The following PDGFC variants were observed in gnomAD, a reference collection of about 807,000 sequenced individuals.
PDGFC encodes platelet derived growth factor C.
Under a neutral mutation model 35.5 loss-of-function variants are expected in PDGFC, and 12 were observed. That is an observed-to-expected ratio of 0.34 (90% CI 0.22 to 0.55). The LOEUF (loss-of-function observed/expected upper bound fraction) is 0.55. Ranked by LOEUF, PDGFC falls within the 20% of genes least tolerant of loss-of-function variation. The pLI, the probability that PDGFC is intolerant of heterozygous loss-of-function variation, is 0.91. For missense variants in PDGFC, 322 were observed against 412.4 expected, an observed-to-expected ratio of 0.78 and a Z score of 1.90; for synonymous variants, 159 against 148.8, an observed-to-expected ratio of 1.07 and a Z score of -0.50.
intron 1 of PDGFC, among the ~76,000 whole-genome samples, chr4:156,891,939 G>C (rs974929707): frequency 5.9e-5 from 9 of 152,156 alleles, no homozygotes; most frequent in African/African-American, 1.9e-4. Flanking sequence ...ACCCAAACTA[G>C]TACTCTTATT....
At chr4:156,858,971 A>G (rs561333096) in intron 1 of PDGFC, among the ~76,000 whole-genome samples, 1 of 152,222 alleles carries the variant, frequency 6.6e-6, no homozygotes, top group East Asian at 1.9e-4. Context: ...AGCATACAAC[A>G]TCTAGATAAA....
At chr4:156,970,678 G>A in intron 1 of PDGFC, 108 bp downstream of exon 1, 1 of 734,198 alleles carries the variant, frequency 1.4e-6, no homozygotes, top group East Asian at 2.5e-5. Context: ...TGTAATGAGA[G>A]ACCAAAGATA....
At chr4:156,913,389 G>A (rs1159574690) in intron 1 of PDGFC, among the ~76,000 whole-genome samples, 3 of 152,070 alleles carry the variant, frequency 2.0e-5, no homozygotes, top group African/African-American at 7.2e-5. Flanking sequence ...CTGAACCTTT[G>A]TACCAGGCCA....
intron 1 of PDGFC, among the ~76,000 whole-genome samples, chr4:156,859,973 A>C (rs1288569032): frequency 6.6e-6 from 1 of 152,150 alleles, no homozygotes; most frequent in Non-Finnish European, 1.5e-5. Context: ...ACAACTAGCA[A>C]AATTCTTCAG....
At chr4:156,817,222 C>T (rs909046418) in intron 2 of PDGFC, among the ~76,000 whole-genome samples, 1 of 151,454 alleles carries the variant, frequency 6.6e-6, no homozygotes, top group East Asian at 1.9e-4. Context: ...CAAATCAAAA[C>T]AAAATATCAG....
intron 1 of PDGFC, among the ~76,000 whole-genome samples, chr4:156,867,191 T>C (rs1221352415): frequency 6.6e-6 from 1 of 152,224 alleles, no homozygotes; most frequent in Admixed American, 6.5e-5. Context: ...ATAAATCATG[T>C]ATGGATCATA....
chr4:156,825,590 TAATAAGAAG>T (rs1463403817), intron 2 of PDGFC, among the ~76,000 whole-genome samples: 943 of 78,192 alleles, frequency 0.012, 5 homozygotes, highest in Admixed American at 0.014. Context: ...ATAATAATAA[TAATAAGAAG>T]AAGAAGAAGA....
At chr4:156,896,639 G>A (rs1730639256) in intron 1 of PDGFC, among the ~76,000 whole-genome samples, 1 of 152,170 alleles carries the variant, frequency 6.6e-6, no homozygotes, top group African/African-American at 2.4e-5. Flanking sequence ...ATTTAGAAAA[G>A]TCATACATAA....
At chr4:156,900,553 G>A (rs186455972) in intron 1 of PDGFC, among the ~76,000 whole-genome samples, 173 of 152,158 alleles carry the variant, frequency 1.1e-3, no homozygotes, top group Admixed American at 2.0e-3. Flanking sequence ...TAAAGAAGAG[G>A]ATAGGAAGCG....
At chr4:156,928,417 A>G (rs537582778) in intron 1 of PDGFC, among the ~76,000 whole-genome samples, 11 of 152,308 alleles carry the variant, frequency 7.2e-5, no homozygotes, top group African/African-American at 2.6e-4. Flanking sequence ...CATTGCACTT[A>G]GATCTGTAAC....
intron 1 of PDGFC, among the ~76,000 whole-genome samples, chr4:156,920,644 AACACACACAC>A (rs10611712): frequency 3.2e-4 from 42 of 132,048 alleles, no homozygotes; most frequent in South Asian, 9.9e-4. Context: ...AGGAAAAGAA[AACACACACAC>A]ACACACACAC....
At chr4:156,903,313 T>C (rs148936680) in intron 1 of PDGFC, among the ~76,000 whole-genome samples, 91 of 152,046 alleles carry the variant, frequency 6.0e-4, no homozygotes, top group African/African-American at 2.0e-3. Flanking sequence ...TAATAAAATA[T>C]ACATGTATAC....
At position 156,971,612 on chromosome 4, in the gene PDGFC, C is replaced by T. The variant is rs889448602; in HGVS notation, c.-709G>A. Among the ~76,000 whole-genome samples the T allele has an allele frequency of 2.0e-5, 3 of 151,662 alleles. No individual in the cohort carries two copies. Among genetic ancestry groups the T allele is most frequent in the Non-Finnish European group, 4.4e-5 (3 of 67,846 alleles). Reference sequence around the variant, plus strand: ...GGTTCGGAGCGCCGCAGCACGGATTCCGGCACCTGGCTTGAGTTTTCCGCG... The same window carrying T: ...GGTTCGGAGCGCCGCAGCACGGATTTCGGCACCTGGCTTGAGTTTTCCGCG... On this transcript the variant is annotated 5_prime_UTR_variant, in exon 1 of 6. Transcript: ENST00000502773.
intron 2 of PDGFC, among the ~76,000 whole-genome samples, chr4:156,832,253 C>CTTTTTTTTT (rs542396769): frequency 3.2e-4 from 39 of 121,126 alleles, no homozygotes; most frequent in South Asian, 5.2e-4. Context: ...TTCTTTCTTT[C>CTTTTTTTTT]TTTTTTTTTT....
intron 2 of PDGFC, among the ~76,000 whole-genome samples, chr4:156,811,709 G>T (rs1259588615): frequency 6.6e-6 from 1 of 152,086 alleles, no homozygotes; most frequent in East Asian, 1.9e-4. Flanking sequence ...CTTAAACAGA[G>T]GAATAAATGA....
intron 1 of PDGFC, among the ~76,000 whole-genome samples, chr4:156,905,416 A>AT (rs976842555): frequency 6.6e-6 from 1 of 151,978 alleles, no homozygotes; most frequent in East Asian, 1.9e-4. Flanking sequence ...ATTTATGTTT[A>AT]TTTTTTTCTC....
At chr4:156,917,763 C>T (rs1045288845) in intron 1 of PDGFC, among the ~76,000 whole-genome samples, 4 of 152,200 alleles carry the variant, frequency 2.6e-5, no homozygotes, top group Middle Eastern at 3.2e-3. Flanking sequence ...CCGAATAATT[C>T]GCTAATATGC....
At chr4:156,787,678 G>C (rs992480408) in intron 3 of PDGFC, among the ~76,000 whole-genome samples, 7 of 151,704 alleles carry the variant, frequency 4.6e-5, no homozygotes, top group Non-Finnish European at 5.9e-5. Flanking sequence ...AGGAGAGAGA[G>C]AGAAGAGTGC....
chr4:156,883,840 G>T (rs1730311868), intron 1 of PDGFC, among the ~76,000 whole-genome samples: 1 of 152,026 alleles, frequency 6.6e-6, no homozygotes, highest in East Asian at 1.9e-4. Context: ...ATACCTGAGG[G>T]GGGTCACTTA....
Sources: allele counts gnomAD v4.1 joint callset (sites outside exome capture counted in the v4.1 genomes callset), GRCh38; gene constraint gnomAD v4.1.1; transcripts MANE v1.5; gene names NCBI Gene and HGNC (gene_info 2026-07-23, HGNC 2026-07-21).